Variants in GRID2 observed in about 807,000 individuals in gnomAD.
The protein encoded by GRID2 is glutamate ionotropic receptor delta type subunit 2, also known as glutamate receptor ionotropic, delta-2.
Under a neutral mutation model 114.8 loss-of-function variants are expected in GRID2, and 33 were observed. That is an observed-to-expected ratio of 0.29 (90% CI 0.22 to 0.38). The LOEUF is 0.38. GRID2 is among the 10% of genes least tolerant of loss of function. GRID2 has a pLI of 1.00. For missense variants in GRID2, 1,184 were observed against 1,257.7 expected (o/e 0.94, Z 0.89); for synonymous variants, 505 against 449.9 (o/e 1.12, Z -1.55).
chr4:93,532,938 CA>C (rs1327951762), intron 13 of GRID2, among the ~76,000 whole-genome samples: 1 of 152,036 alleles, frequency 6.6e-6, no homozygotes, highest in Non-Finnish European at 1.5e-5. Flanking sequence ...GAATCTTATC[CA>C]GAGTCATAGA....
chr4:93,021,864 T>C (rs912560306), intron 2 of GRID2, among the ~76,000 whole-genome samples: 3 of 148,054 alleles, frequency 2.0e-5, no homozygotes, highest in African/African-American at 7.4e-5. Flanking sequence ...ATTATAACAA[T>C]ATTATTTTGT....
chr4:92,555,380 T>C (rs761475977), intron 1 of GRID2, among the ~76,000 whole-genome samples: 4 of 152,172 alleles, frequency 2.6e-5, no homozygotes, highest in Non-Finnish European at 4.4e-5. Flanking sequence ...GAGTCAAAGC[T>C]ACAGATATTT....
At chr4:92,528,820 TAAA>T (rs755194146) in intron 1 of GRID2, among the ~76,000 whole-genome samples, 11 of 94,096 alleles carry the variant, frequency 1.2e-4, no homozygotes, top group East Asian at 6.1e-4. Context: ...GAACATCCTG[TAAA>T]AAAAAAAAAA....
chr4:92,851,161 T>G (rs1294302485), intron 2 of GRID2, among the ~76,000 whole-genome samples: 1 of 151,928 alleles, frequency 6.6e-6, no homozygotes, highest in Non-Finnish European at 1.5e-5. Context: ...CATGTGATGG[T>G]AATATGTACT....
intron 2 of GRID2, among the ~76,000 whole-genome samples, chr4:92,663,959 C>T (rs1560518977): frequency 6.6e-6 from 1 of 151,148 alleles, no homozygotes. Flanking sequence ...CATGTTGTAG[C>T]ATATGTCAGA....
In GRID2 at chr4:93,395,666, G is replaced by A. The variant is rs979884338; in HGVS notation, c.1305G>A (p.Glu435=). ...LNGSLTDKKL[E]NNMRGVVLRV... Reference sequence around the variant, plus strand: ...GGTCACTGACTGACAAGAAATTGGAGAATAACATGCGTGGAGTGGTTCTAC... The same window carrying A: ...GGTCACTGACTGACAAGAAATTGGAAAATAACATGCGTGGAGTGGTTCTAC... Residue 435 remains glutamate, a synonymous_variant, in exon 9 of 16, where the codon GAG becomes GAA. Transcript: ENST00000282020. 3 of 1,581,440 alleles carry A rather than the reference G, an allele frequency of 1.9e-6. No individual in the cohort carries two copies. Among genetic ancestry groups the A allele is most frequent in the Non-Finnish European group, 2.6e-6 (3 of 1,150,926 alleles).
chr4:93,075,345 C>T (rs1729165181), intron 2 of GRID2, among the ~76,000 whole-genome samples: 1 of 152,082 alleles, frequency 6.6e-6, no homozygotes, highest in Non-Finnish European at 1.5e-5. Flanking sequence ...AGAGCATAGT[C>T]CAAAAACCTT....
Position 93,637,233 on chromosome 4 carries a change from G to C in GRID2, c.2360+10798G>C, listed in dbSNP as rs191128052. 2.0e-5 allele frequency among the ~76,000 whole-genome samples: 3 copies of C among 152,190 alleles called. No individual in the cohort carries two copies. In the East Asian group the frequency reaches 5.8e-4, roughly 29 times the overall value. The stretch of plus-strand genomic sequence containing the variant: ...GTCGACATTCATTGAAAACTCACCA[G>C]GTGCCAAGTATCACTATAAAGGCCC... On this transcript the variant is annotated intron_variant, in intron 14 of 15. Transcript: ENST00000282020.
At chr4:93,000,936 C>T (rs1720914260) in intron 2 of GRID2, among the ~76,000 whole-genome samples, 1 of 150,624 alleles carries the variant, frequency 6.6e-6, no homozygotes, top group Non-Finnish European at 1.5e-5. Context: ...CTAAATATAC[C>T]CTGTGAATCT....
rs573302595 is a variant in GRID2 at position 92,322,377 on chromosome 4, A to C, written c.88+17633A>C. On this transcript the variant is annotated intron_variant, in intron 1 of 15. Transcript: ENST00000282020. ...ATCTCCTAAATGTATTGTCCAGTTTATTGTCCAAACCAGGACTCCTTTCGG... is the reference window on the plus strand; with the variant it reads ...ATCTCCTAAATGTATTGTCCAGTTTCTTGTCCAAACCAGGACTCCTTTCGG... Among the ~76,000 whole-genome samples the C allele has an allele frequency of 5.9e-5, 9 of 152,150 alleles. No individual in the cohort carries two copies. The East Asian group carries it at 1.5e-3, about 26-fold the overall frequency.
At chr4:92,430,417 G>A (rs1732382670) in intron 1 of GRID2, among the ~76,000 whole-genome samples, 1 of 152,100 alleles carries the variant, frequency 6.6e-6, no homozygotes. Flanking sequence ...CACTGTAGAT[G>A]TATGGATTTG....
chr4:92,418,938 T>C (rs1731754088), intron 1 of GRID2, among the ~76,000 whole-genome samples: 1 of 152,084 alleles, frequency 6.6e-6, no homozygotes, highest in African/African-American at 2.4e-5. Context: ...ATCTGGTTAA[T>C]AATTTGGAGG....
intron 2 of GRID2, among the ~76,000 whole-genome samples, chr4:92,940,411 T>G (rs1751018608): frequency 6.8e-6 from 1 of 148,098 alleles, no homozygotes. Flanking sequence ...TTTTGTACAT[T>G]GAGTTTGTAT....
chr4:92,823,291 A>G (rs1034721700), intron 2 of GRID2, among the ~76,000 whole-genome samples: 1 of 152,164 alleles, frequency 6.6e-6, no homozygotes, highest in East Asian at 1.9e-4. Flanking sequence ...ACAATATATA[A>G]GTAATGAAAA....
intron 1 of GRID2, among the ~76,000 whole-genome samples, chr4:92,317,417 A>G (rs1322133782): frequency 6.6e-6 from 1 of 152,208 alleles, no homozygotes; most frequent in Non-Finnish European, 1.5e-5. Flanking sequence ...AACATTGAAA[A>G]CTGAACATAA....
chr4:93,456,666 G>A (rs896323649), intron 11 of GRID2, among the ~76,000 whole-genome samples: 1 of 152,098 alleles, frequency 6.6e-6, no homozygotes. Flanking sequence ...CATAGAGAAT[G>A]AAATAGTAAG....
intron 2 of GRID2, among the ~76,000 whole-genome samples, chr4:92,631,658 G>A (rs1730814736): frequency 2.0e-5 from 3 of 151,890 alleles, no homozygotes; most frequent in African/African-American, 7.3e-5. Flanking sequence ...TTTAACTTGG[G>A]TTGCAGCTGA....
intron 4 of GRID2, among the ~76,000 whole-genome samples, chr4:93,111,470 T>C (rs1399691083): frequency 6.6e-6 from 1 of 152,196 alleles, no homozygotes; most frequent in Admixed American, 6.5e-5. Flanking sequence ...AGTGTACATT[T>C]TATGATGCTG....
At chr4:92,376,325 T>G (rs2110228065) in intron 1 of GRID2, among the ~76,000 whole-genome samples, 1 of 151,996 alleles carries the variant, frequency 6.6e-6, no homozygotes, top group Middle Eastern at 3.4e-3. Context: ...AATAATATAT[T>G]AAAACTCGAA....
Sources: gnomAD v4.1 joint callset for allele counts (sites outside exome capture counted in the v4.1 genomes callset) on GRCh38, gnomAD v4.1.1 for gene constraint, MANE v1.5 for transcripts, NCBI Gene and HGNC (gene_info 2026-07-23, HGNC 2026-07-21) for gene names.